The following KIAA1549 variants were observed in gnomAD, a reference collection of about 807,000 sequenced individuals.
The protein encoded by KIAA1549 is KIAA1549, also known as UPF0606 protein KIAA1549.
KIAA1549 carries 70 observed loss-of-function variants against 156.4 expected under a neutral mutation model. The observed-to-expected ratio is 0.45, with a 90% CI of 0.37 to 0.55. KIAA1549 has a LOEUF of 0.55. KIAA1549 is among the 20% of genes least tolerant of loss of function. The probability of loss-of-function intolerance (pLI) is 0.00; values close to 1 mark genes in which losing one functional copy is unlikely to be tolerated. For missense variants in KIAA1549, 2,428 were observed against 2,540.9 expected (o/e 0.96, Z 0.96); for synonymous variants, 1,103 against 1,066.4 (o/e 1.03, Z -0.67).
chr7:138,925,167 T>C (rs147850862), intron 1 of KIAA1549, among the ~76,000 whole-genome samples: 289 of 152,284 alleles, frequency 1.9e-3, no homozygotes, highest in Admixed American at 5.8e-3. Context: ...AATTCCATGA[T>C]GATACAGTAG....
chr7:138,840,868 C>T (rs1809896812), intron 18 of KIAA1549, among the ~76,000 whole-genome samples: 1 of 152,118 alleles, frequency 6.6e-6, no homozygotes. Flanking sequence ...TTTGGAAACA[C>T]CCTGTCAGAA....
intron 8 of KIAA1549, among the ~76,000 whole-genome samples, chr7:138,901,632 G>A (rs901912007): frequency 6.6e-6 from 1 of 152,048 alleles, no homozygotes; most frequent in Non-Finnish European, 1.5e-5. Flanking sequence ...GCCCACTTGA[G>A]CATTTTTCTA....
intron 1 of KIAA1549, among the ~76,000 whole-genome samples, chr7:138,939,972 C>T (rs111750399): frequency 0.074 from 11,253 of 152,098 alleles, 543 homozygotes; most frequent in South Asian, 0.19. Flanking sequence ...CATAGCAAGA[C>T]CCCATTTCTA....
chr7:138,938,809 A>G (rs759228751), intron 1 of KIAA1549, among the ~76,000 whole-genome samples: 13 of 152,210 alleles, frequency 8.5e-5, no homozygotes, highest in Non-Finnish European at 1.5e-4. Flanking sequence ...GCACTTTGGG[A>G]GGCTGAGGCG....
intron 1 of KIAA1549, among the ~76,000 whole-genome samples, chr7:138,935,602 G>A (rs1260314328): frequency 1.3e-5 from 2 of 152,096 alleles, no homozygotes; most frequent in Non-Finnish European, 2.9e-5. Flanking sequence ...TACACTCAGA[G>A]CAGGAGTGGC....
intron 1 of KIAA1549, among the ~76,000 whole-genome samples, chr7:138,971,180 G>A (rs1421653607): frequency 1.3e-5 from 2 of 152,118 alleles, no homozygotes; most frequent in African/African-American, 4.8e-5. Context: ...ACTTCAACTG[G>A]GCCCTTGCCA....
chr7:138,901,096 A>T (rs1811828949), intron 8 of KIAA1549, among the ~76,000 whole-genome samples: 1 of 152,164 alleles, frequency 6.6e-6, no homozygotes, highest in East Asian at 1.9e-4. Flanking sequence ...CAATTTCAAA[A>T]TTTATTTTCT....
At chr7:138,902,007 T>C (rs934190156) in intron 8 of KIAA1549, among the ~76,000 whole-genome samples, 74 of 152,350 alleles carry the variant, frequency 4.9e-4, no homozygotes, top group African/African-American at 1.7e-3. Context: ...TGTGCAGAAG[T>C]TAACTCACAC....
chr7:138,838,188 C>T, intron 19 of KIAA1549, 28 bp from the exon 20 acceptor site: 1 of 1,447,596 alleles, frequency 6.9e-7, no homozygotes, highest in Non-Finnish European at 9.0e-7. Flanking sequence ...CGTCACTGTA[C>T]TTCCTACGAA....
At chr7:138,877,041 C>T (rs566898081) in intron 12 of KIAA1549, among the ~76,000 whole-genome samples, 3 of 152,296 alleles carry the variant, frequency 2.0e-5, no homozygotes, top group East Asian at 1.9e-4. Context: ...TAAAGAGAGC[C>T]GGTAGCTGTA....
intron 12 of KIAA1549, 77 bp from the exon 13 acceptor site, chr7:138,871,439 T>G: frequency 3.1e-6 from 4 of 1,304,888 alleles, no homozygotes; most frequent in Non-Finnish European, 3.1e-6. Context: ...TGTGAATTAT[T>G]CTTTAAAGAA....
In KIAA1549 at chr7:138,835,307, C is replaced by G. The variant is rs1809675939; in HGVS notation, c.*2599G>C. On this transcript the variant is annotated 3_prime_UTR_variant, in exon 20 of 20. Transcript: ENST00000422774. ...GTGCTTTATGACCACCAGCAGAGGGCTGGTGATCCGGGGGCCTGCTCACAC... is the reference window on the plus strand; with the variant it reads ...GTGCTTTATGACCACCAGCAGAGGGGTGGTGATCCGGGGGCCTGCTCACAC... 4.6e-6 allele frequency: 1 copy of G among 215,470 alleles called. No individual in the cohort carries two copies. 13.3% of individuals were successfully genotyped at this position (215,470 alleles called of 1,614,324 possible).
Position 138,920,138 on chromosome 7 carries a change from G to C in KIAA1549, c.188-700C>G, listed in dbSNP as rs116029705. 9.9e-3 allele frequency among the ~76,000 whole-genome samples: 452 copies of C among 45,880 alleles called. 5 individuals carry two copies. In the African/African-American group the frequency reaches 0.24, roughly 24 times the overall value. The allele number at this position is 45,880 out of a possible 152,430, so 30.1% of individuals were successfully genotyped here. On this transcript the variant is annotated intron_variant, in intron 1 of 19. Transcript: ENST00000422774. ...CAAACACTCTCTGGCCTCCATGGCTGTGCACATTCTCACCCCCGCCTGGAA... is the reference window on the plus strand; with the variant it reads ...CAAACACTCTCTGGCCTCCATGGCTCTGCACATTCTCACCCCCGCCTGGAA...
At chr7:138,924,685 G>A (rs1175167392) in intron 1 of KIAA1549, among the ~76,000 whole-genome samples, 1 of 152,104 alleles carries the variant, frequency 6.6e-6, no homozygotes, top group East Asian at 1.9e-4. Flanking sequence ...TCTCTGCCAA[G>A]CCCCAGGAGG....
At chr7:138,971,074 G>A (rs1049554854) in intron 1 of KIAA1549, among the ~76,000 whole-genome samples, 6 of 152,126 alleles carry the variant, frequency 3.9e-5, no homozygotes, top group African/African-American at 7.2e-5. Context: ...CCCCAGGACC[G>A]CTGTGGCCTA....
chr7:138,908,287 G>A (rs373251094), intron 5 of KIAA1549, among the ~76,000 whole-genome samples: 2 of 152,190 alleles, frequency 1.3e-5, no homozygotes, highest in South Asian at 2.1e-4. Flanking sequence ...TCTAATTAAC[G>A]TCCTCAGAGA....
At position 138,940,085 on chromosome 7, in the gene KIAA1549, T is replaced by C. The variant is rs186194587; in HGVS notation, c.188-20647A>G. Among the ~76,000 whole-genome samples, 486 of 152,366 alleles carry C rather than the reference T, an allele frequency of 3.2e-3. 4 individuals carry two copies. Among genetic ancestry groups the C allele is most frequent in the African/African-American group, 0.011 (454 of 41,588 alleles). On this transcript the variant is annotated intron_variant, in intron 1 of 19. Coordinates refer to ENST00000422774, the MANE Select transcript of KIAA1549 (RefSeq NM_001164665.2). Reference sequence around the variant, plus strand: ...AACGTGCAGGTTTGTTACATATGTATACATGTGCCAGGTTCATGTGCTGCA... The same window carrying C: ...AACGTGCAGGTTTGTTACATATGTACACATGTGCCAGGTTCATGTGCTGCA...
At chr7:138,881,690 A>C in intron 10 of KIAA1549, 106 bp from the exon 11 acceptor site, 1 of 938,058 alleles carries the variant, frequency 1.1e-6, no homozygotes, top group Non-Finnish European at 1.6e-6. Context: ...CACAACTCCA[A>C]TCCAACAAGC....
intron 6 of KIAA1549, 107 bp from the exon 7 acceptor site, chr7:138,905,188 A>C: frequency 1.3e-6 from 1 of 764,310 alleles, no homozygotes; most frequent in Non-Finnish European, 2.2e-6. Context: ...TCTAAATGTG[A>C]AAGAACAAAA....
Sources: allele counts gnomAD v4.1 joint callset (sites outside exome capture counted in the v4.1 genomes callset), GRCh38; gene constraint gnomAD v4.1.1; transcripts MANE v1.5; gene names NCBI Gene and HGNC (gene_info 2026-07-23, HGNC 2026-07-21).